ATG16L2: variants seen among roughly 807,000 people sequenced by gnomAD.
The protein encoded by ATG16L2 is protein Atg16l2.
Under a neutral mutation model 84.7 loss-of-function variants are expected in ATG16L2, and 77 were observed. That is an observed-to-expected ratio of 0.91 (90% confidence interval 0.76 to 1.10). The LOEUF (loss-of-function observed/expected upper bound fraction) is 1.10, where lower values mean the gene tolerates loss of function less well. ATG16L2 is among the 50% of genes least tolerant of loss of function. The pLI, the probability that ATG16L2 is intolerant of heterozygous loss-of-function variation, is 0.00. For synonymous variants in ATG16L2, 361 were observed against 342.8 expected (o/e 1.05, Z -0.59); for missense variants, 782 against 817.6 (o/e 0.96, Z 0.53).
chr11:72,832,131 G>T (rs1488670310), downstream of ATG16L2, among the ~76,000 whole-genome samples: 2 of 152,344 alleles, frequency 1.3e-5, no homozygotes, highest in East Asian at 3.9e-4. Context: ...ATCTTGGGAG[G>T]CCAGCTGCGC....
rs369320489 is a variant in ATG16L2, at chr11:72,816,840, G to A, written c.218+13G>A. ...ACCAGGGCCCCTGGTAAGTGTATGT[G>A]GGTCCGTGGTCACAAAGGGCTGCCT... On this transcript the variant is annotated intron_variant, in intron 2 of 17. Coordinates refer to ENST00000321297, the MANE Select transcript of ATG16L2 (RefSeq NM_033388.2). 40 of 1,611,038 alleles carry A rather than the reference G, an allele frequency of 2.5e-5. No homozygotes were observed. The African/African-American group carries it at 5.1e-4, about 20-fold the overall frequency.
chr11:72,838,956 T>A (rs1019796486), intron 5 of ATG16L2: 43 of 1,314,892 alleles, frequency 3.3e-5, no homozygotes, highest in Non-Finnish European at 4.3e-5. Flanking sequence ...ATCACTCATC[T>A]GTCCAAGGAC....
downstream of ATG16L2, chr11:72,829,753 G>A (rs910153018): frequency 1.6e-5 from 9 of 546,940 alleles, no homozygotes; most frequent in African/African-American, 6.1e-5. Flanking sequence ...GCAGCCAGCC[G>A]AGTCTCTGCC....
intron 5 of ATG16L2, among the ~76,000 whole-genome samples, chr11:72,842,434 G>A (rs1287213031): frequency 6.6e-6 from 1 of 152,202 alleles, no homozygotes; most frequent in Non-Finnish European, 1.5e-5. Flanking sequence ...TGGGAGGATG[G>A]CCACATTCCA....
At chr11:72,839,385 C>T (rs1040712748) in intron 5 of ATG16L2, among the ~76,000 whole-genome samples, 3 of 152,082 alleles carry the variant, frequency 2.0e-5, no homozygotes, top group African/African-American at 7.2e-5. Context: ...ATCAGATCTG[C>T]GAAAAGATGA....
exon 6 of ATG16L2, chr11:72,842,910 T>C: frequency 8.4e-7 from 1 of 1,195,974 alleles, no homozygotes; most frequent in Non-Finnish European, 1.2e-6. Flanking sequence ...ACCACCCCTA[T>C]GCTCACATGA....
At chr11:72,829,164 C>T (rs1565273589) in intron 17 of ATG16L2, 139 bp from the exon 18 acceptor site, 4 of 1,113,220 alleles carry the variant, frequency 3.6e-6, no homozygotes, top group Non-Finnish European at 5.2e-6. Context: ...CTTTCCACAG[C>T]CCTGTGAGCT....
At position 72,819,643 on chromosome 11, in the gene ATG16L2, T is replaced by C. The variant is rs187305817; in HGVS notation, c.318+1788T>C. On this transcript the variant is annotated intron_variant, in intron 3 of 17. Transcript: ENST00000321297. ...CTCTGAGCTCCCAGCTCCCTTTGCC[T>C]GAGATACTTTCCCTGGCCCCCAGCA... Among the ~76,000 whole-genome samples, 343 of 152,292 alleles carry C rather than the reference T, an allele frequency of 2.3e-3. 2 individuals carry two copies. The highest frequency in any genetic ancestry group is 3.4e-3 in the Non-Finnish European group (232 of 68,024).
chr11:72,839,132 C>T (rs570898083), intron 5 of ATG16L2, among the ~76,000 whole-genome samples: 124 of 152,300 alleles, frequency 8.1e-4, no homozygotes, highest in African/African-American at 2.7e-3. Flanking sequence ...TGACTAAGAT[C>T]CTAGCACATC....
intron 8 of ATG16L2, 76 bp from the exon 9 acceptor site, chr11:72,824,658 C>T (rs1860228778): frequency 1.9e-6 from 2 of 1,038,112 alleles, no homozygotes; most frequent in South Asian, 1.3e-5. Flanking sequence ...ATGGTTGATG[C>T]CTCAGGGGAG....
intron 3 of ATG16L2, chr11:72,821,357 CT>C (rs1012800532): frequency 2.5e-6 from 3 of 1,186,176 alleles, no homozygotes; most frequent in Non-Finnish European, 3.2e-6. Flanking sequence ...GGAGCGCTGG[CT>C]TCCCACTCTT....
At chr11:72,836,736 T>C (rs1860740228) in intron 5 of ATG16L2, 1 of 152,638 alleles carries the variant, frequency 6.6e-6, no homozygotes, top group African/African-American at 2.4e-5. Flanking sequence ...TATTAAAACT[T>C]AGAAAACATA....
chr11:72,840,692 A>T (rs1860897506), intron 5 of ATG16L2, among the ~76,000 whole-genome samples: 1 of 151,730 alleles, frequency 6.6e-6, no homozygotes, highest in Non-Finnish European at 1.5e-5. Flanking sequence ...GTGTAGATTA[A>T]ATGTCCCGAG....
intron 3 of ATG16L2, among the ~76,000 whole-genome samples, chr11:72,819,267 C>G (rs1225105670): frequency 1.3e-5 from 2 of 152,166 alleles, no homozygotes; most frequent in East Asian, 3.9e-4. Context: ...CATGTTGACT[C>G]TATCTCCAAA....
intron 1 of ATG16L2, 81 bp from the exon 2 acceptor site, chr11:72,816,647 T>A (rs1487745893): frequency 5.8e-6 from 7 of 1,202,674 alleles, no homozygotes; most frequent in Non-Finnish European, 8.6e-6. Flanking sequence ...CCTTCAGCCC[T>A]TTTAGCCGGA....
intron 3 of ATG16L2, 191 bp downstream of exon 3, chr11:72,818,046 G>A (rs1352152622): frequency 3.4e-6 from 2 of 588,362 alleles, no homozygotes; most frequent in Non-Finnish European, 6.0e-6. Context: ...CCAGGATGAA[G>A]TGGGCTCCAA....
intron 5 of ATG16L2, chr11:72,840,739 C>T (rs1280611928): frequency 6.5e-6 from 4 of 615,180 alleles, no homozygotes; most frequent in Non-Finnish European, 8.7e-6. Context: ...TTCAATAGCT[C>T]TTTTTACCTT....
intron 16 of ATG16L2, 52 bp from the exon 17 acceptor site, chr11:72,828,831 T>C (rs1395438014): frequency 1.4e-5 from 22 of 1,613,980 alleles, no homozygotes; most frequent in Non-Finnish European, 1.9e-5. Context: ...GGACCCTGTG[T>C]GTGCCCTCCC....
intron 3 of ATG16L2, among the ~76,000 whole-genome samples, chr11:72,819,570 C>T (rs1223772132): frequency 7.9e-5 from 12 of 152,188 alleles, no homozygotes; most frequent in Non-Finnish European, 1.8e-4. Context: ...TAGCCTGGCT[C>T]CCCCGTCGAG....
Sources: gnomAD v4.1 joint callset for allele counts (sites outside exome capture counted in the v4.1 genomes callset) on GRCh38, gnomAD v4.1.1 for gene constraint, MANE v1.5 for transcripts, NCBI Gene and HGNC (gene_info 2026-07-23, HGNC 2026-07-21) for gene names.